The following PDE1C variants were observed in gnomAD, a reference collection of about 807,000 sequenced individuals.
PDE1C encodes dual specificity calcium/calmodulin-dependent 3',5'-cyclic nucleotide phosphodiesterase 1C.
PDE1C carries 62 observed loss-of-function variants against 93.1 expected under a neutral mutation model. That is an observed-to-expected ratio of 0.67 (90% CI 0.54 to 0.82). The LOEUF (loss-of-function observed/expected upper bound fraction) is 0.82, where lower values mean the gene tolerates loss of function less well. Ranked by LOEUF, PDE1C falls within the 40% of genes least tolerant of loss-of-function variation. The pLI is 0.00. For synonymous variants in PDE1C, 325 were observed against 310.1 expected, an observed-to-expected ratio of 1.05 and a Z score of -0.50; for missense variants, 742 against 884.6, an observed-to-expected ratio of 0.84 and a Z score of 2.04.
chr7:31,765,542 T>G (rs1041482914), intron 17 of PDE1C, among the ~76,000 whole-genome samples: 1 of 152,202 alleles, frequency 6.6e-6, no homozygotes, highest in African/African-American at 2.4e-5. Context: ...TCCTATGTCC[T>G]TTGTTCACAC....
chr7:31,968,799 C>G (rs1203113677), intron 2 of PDE1C, among the ~76,000 whole-genome samples: 1 of 152,098 alleles, frequency 6.6e-6, no homozygotes, highest in African/African-American at 2.4e-5. Context: ...ACAAATGGAA[C>G]AGAACAGAGC....
chr7:32,397,343 A>C (rs1784856472), intron 1 of PDE1C, among the ~76,000 whole-genome samples: 1 of 152,162 alleles, frequency 6.6e-6, no homozygotes, highest in Non-Finnish European at 1.5e-5. Context: ...TTCATCCATA[A>C]TTTTTTGATG....
At chr7:31,663,820 C>G in the PDE1C span, among the ~76,000 whole-genome samples, 2 of 152,076 alleles carry the variant, frequency 1.3e-5, no homozygotes, top group African/African-American at 4.8e-5. Flanking sequence ...ATTTACATAC[C>G]GTGTTTGGGA....
In PDE1C at chr7:32,207,232, T is replaced by G. The variant is rs146227329; in HGVS notation, c.136+2257A>C. 4.6e-5 allele frequency among the ~76,000 whole-genome samples: 7 copies of G among 152,064 alleles called. No homozygotes were observed. The East Asian group carries it at 1.4e-3, about 30-fold the overall frequency. On this transcript the variant is annotated intron_variant, in intron 2 of 18. Coordinates refer to the PDE1C transcript ENST00000396193. ...AGGGTCCAGCCATCACAGCACAGGCTCTGGCCACCCGCCCCCGCCAATCCC... is the reference window on the plus strand; with the variant it reads ...AGGGTCCAGCCATCACAGCACAGGCGCTGGCCACCCGCCCCCGCCAATCCC...
At chr7:32,096,311 T>C (rs1415168676) in intron 3 of PDE1C, among the ~76,000 whole-genome samples, 1 of 152,126 alleles carries the variant, frequency 6.6e-6, no homozygotes, top group Non-Finnish European at 1.5e-5. Context: ...AACTAGTGCG[T>C]TTTGGAAAAT....
chr7:31,668,802 G>A, the PDE1C span, among the ~76,000 whole-genome samples: 8 of 68,898 alleles, frequency 1.2e-4, no homozygotes, highest in Non-Finnish European at 3.3e-5. Context: ...CCAGTACATT[G>A]TTCCCTTTAA....
At chr7:31,984,468 C>T (rs1247919852) in intron 2 of PDE1C, among the ~76,000 whole-genome samples, 1 of 152,198 alleles carries the variant, frequency 6.6e-6, no homozygotes, top group Non-Finnish European at 1.5e-5. Flanking sequence ...TCACCACCCA[C>T]AGTGCCTCAA....
intron 1 of PDE1C, among the ~76,000 whole-genome samples, chr7:32,340,425 C>A (rs1179109171): frequency 6.6e-6 from 1 of 152,024 alleles, no homozygotes; most frequent in Admixed American, 6.6e-5. Flanking sequence ...CTGTGAGGAG[C>A]AGAGAGACAT....
At chr7:32,002,922 T>G (rs1455520920) in intron 2 of PDE1C, among the ~76,000 whole-genome samples, 1 of 152,152 alleles carries the variant, frequency 6.6e-6, no homozygotes, top group Non-Finnish European at 1.5e-5. Context: ...ATTCTGAAAA[T>G]TGAAATTCAG....
At chr7:32,179,622 G>C (rs371353298) in intron 2 of PDE1C, among the ~76,000 whole-genome samples, 1 of 152,132 alleles carries the variant, frequency 6.6e-6, no homozygotes, top group Non-Finnish European at 1.5e-5. Flanking sequence ...AATAATGCCA[G>C]GTGAATTTAA....
rs140873177 is a variant in PDE1C at position 32,371,522 on chromosome 7, C to T, written c.310+56300G>A. Among the ~76,000 whole-genome samples the T allele has an allele frequency of 5.6e-3, 859 of 152,272 alleles. 14 individuals carry two copies. Among genetic ancestry groups the T allele is most frequent in the African/African-American group, 0.019 (804 of 41,550 alleles). ...TGGCCACAATACATACCTTACTCAG[C>T]GAGCATTTACTGAATGAAGGGCATG... On this transcript the variant is annotated intron_variant, in intron 1 of 1. Coordinates refer to the PDE1C transcript ENST00000672256.
chr7:32,176,529 CAAAA>C (rs36006726), intron 2 of PDE1C, among the ~76,000 whole-genome samples: 37,826 of 151,620 alleles, frequency 0.25, 5,194 homozygotes, highest in South Asian at 0.38. Flanking sequence ...ATATAGTTAA[CAAAA>C]AAATTTACAA....
chr7:32,032,610 T>C (rs1790481688), intron 2 of PDE1C, among the ~76,000 whole-genome samples: 1 of 152,204 alleles, frequency 6.6e-6, no homozygotes, highest in Non-Finnish European at 1.5e-5. Flanking sequence ...GAAGGAATCG[T>C]GATTCCTGCT....
At chr7:32,311,048 C>A (rs1169932904) in intron 1 of PDE1C, among the ~76,000 whole-genome samples, 1 of 151,992 alleles carries the variant, frequency 6.6e-6, no homozygotes, top group Non-Finnish European at 1.5e-5. Flanking sequence ...CAAATAGACG[C>A]AATAAAAAAT....
intron 2 of PDE1C, among the ~76,000 whole-genome samples, chr7:31,975,660 T>C (rs913815428): frequency 2.0e-5 from 3 of 152,192 alleles, no homozygotes; most frequent in Non-Finnish European, 4.4e-5. Flanking sequence ...CCACTTACTA[T>C]ATATATGACT....
chr7:32,363,563 T>C (rs1784177637), intron 1 of PDE1C, among the ~76,000 whole-genome samples: 1 of 152,262 alleles, frequency 6.6e-6, no homozygotes, highest in African/African-American at 2.4e-5. Context: ...TTCGATTGCT[T>C]TCCACACTTA....
upstream of PDE1C, among the ~76,000 whole-genome samples, chr7:32,304,274 C>A (rs187261308): frequency 1.3e-5 from 2 of 152,358 alleles, no homozygotes; most frequent in Admixed American, 1.3e-4. Context: ...GCCTGTTTGC[C>A]TGCCCATCTC....
chr7:31,653,670 G>C, the PDE1C span: 5 of 152,216 alleles, frequency 3.3e-5, no homozygotes, highest in African/African-American at 1.2e-4. Context: ...ATGGGAGGCA[G>C]ATTGCCTGAT....
intron 1 of PDE1C, among the ~76,000 whole-genome samples, chr7:32,314,566 G>A (rs2128905470): frequency 6.6e-6 from 1 of 152,288 alleles, no homozygotes; most frequent in Admixed American, 6.5e-5. Flanking sequence ...AGGGGATCCA[G>A]CCTTAGTCAG....
Sources: gnomAD v4.1 joint callset for allele counts (sites outside exome capture counted in the v4.1 genomes callset) on GRCh38, gnomAD v4.1.1 for gene constraint, MANE v1.5 for transcripts, NCBI Gene and HGNC (gene_info 2026-07-23, HGNC 2026-07-21) for gene names.